The following MARCHF3 variants were observed in gnomAD, a reference collection of about 807,000 sequenced individuals.
MARCHF3 encodes E3 ubiquitin-protein ligase MARCHF3.
In MARCHF3, 13 loss-of-function variants were observed where a neutral mutation model predicts 24.2. The ratio of observed to expected loss-of-function variants is 0.54; its 90% CI spans 0.35 to 0.85. MARCHF3 has a LOEUF of 0.85. MARCHF3 is among the 40% of genes least tolerant of loss of function. The pLI, the probability that MARCHF3 is intolerant of heterozygous loss-of-function variation, is 0.01. For missense variants in MARCHF3, 276 were observed against 325.0 expected (o/e 0.85, Z 1.16); for synonymous variants, 144 against 137.3 (o/e 1.05, Z -0.34).
chr5:126,955,424 A>C (rs1309917142), intron 1 of MARCHF3, among the ~76,000 whole-genome samples: 1 of 152,220 alleles, frequency 6.6e-6, no homozygotes, highest in Non-Finnish European at 1.5e-5. Flanking sequence ...CTTGCTTTCC[A>C]AAGTGGTGTA....
chr5:126,872,996 T>C (rs542454216), intron 4 of MARCHF3, among the ~76,000 whole-genome samples: 2 of 152,228 alleles, frequency 1.3e-5, no homozygotes, highest in East Asian at 1.9e-4. Context: ...ACAATTATTA[T>C]ACTAATAAGG....
At chr5:126,899,837 C>T (rs564432909) in intron 3 of MARCHF3, among the ~76,000 whole-genome samples, 2 of 152,186 alleles carry the variant, frequency 1.3e-5, no homozygotes, top group African/African-American at 4.8e-5. Context: ...CCTGTCTCCC[C>T]CTGTCCCCTA....
chr5:126,949,380 A>G (rs985923569), intron 1 of MARCHF3, among the ~76,000 whole-genome samples: 50 of 152,356 alleles, frequency 3.3e-4, no homozygotes, highest in Non-Finnish European at 1.5e-5. Context: ...GGTTCTGATG[A>G]AACAGAAAAT....
At chr5:126,886,771 C>A (rs925759911) in intron 3 of MARCHF3, among the ~76,000 whole-genome samples, 3 of 152,162 alleles carry the variant, frequency 2.0e-5, no homozygotes, top group African/African-American at 7.2e-5. Context: ...CATTCCAACT[C>A]CCCCACAAAT....
Position 126,904,808 on chromosome 5 carries a change from C to G in MARCHF3, c.393+10122G>C, listed in dbSNP as rs1201143270. 1.1e-4 allele frequency among the ~76,000 whole-genome samples: 16 copies of G among 151,422 alleles called. No homozygotes were observed. The Admixed American group carries it at 1.1e-3, about 10-fold the overall frequency. On this transcript the variant is annotated intron_variant, in intron 3 of 4. Coordinates refer to ENST00000308660, the MANE Select transcript of MARCHF3 (RefSeq NM_178450.5). ...TAGTTTCTTTTGCTGTGCAGAAGCT[C>G]TTTAGTTCAATTAGATCCCATTTGT...
At chr5:126,872,143 G>A (rs1216592843) in intron 4 of MARCHF3, among the ~76,000 whole-genome samples, 2 of 143,240 alleles carry the variant, frequency 1.4e-5, no homozygotes, top group Non-Finnish European at 3.0e-5. Flanking sequence ...GCAATGGCGC[G>A]ATCTCGGCTC....
chr5:126,996,796 A>G (rs1751961205), intron 1 of MARCHF3, among the ~76,000 whole-genome samples: 1 of 152,158 alleles, frequency 6.6e-6, no homozygotes, highest in Admixed American at 6.5e-5. Flanking sequence ...GGGTACAACA[A>G]CGCAAGTAAG....
At chr5:126,920,788 G>A (rs752032740) in intron 1 of MARCHF3, among the ~76,000 whole-genome samples, 4 of 152,114 alleles carry the variant, frequency 2.6e-5, no homozygotes, top group Admixed American at 1.3e-4. Context: ...ACCTAAATCC[G>A]CAATAAAATG....
chr5:126,916,277 C>T (rs1463727049), intron 2 of MARCHF3, among the ~76,000 whole-genome samples: 1 of 152,152 alleles, frequency 6.6e-6, no homozygotes, highest in Non-Finnish European at 1.5e-5. Context: ...TAAAATGTGT[C>T]CTCATGATAT....
intron 1 of MARCHF3, among the ~76,000 whole-genome samples, chr5:127,008,130 A>G (rs575541584): frequency 6.6e-6 from 1 of 152,318 alleles, no homozygotes; most frequent in South Asian, 2.1e-4. Flanking sequence ...AAAAAAATGC[A>G]TTGAAGTTGT....
intron 1 of MARCHF3, among the ~76,000 whole-genome samples, chr5:127,019,341 C>T (rs1396946618): frequency 6.6e-6 from 1 of 152,142 alleles, no homozygotes; most frequent in Non-Finnish European, 1.5e-5. Flanking sequence ...ACCCCATCCC[C>T]CAACATACCT....
In MARCHF3 at chr5:126,994,700, T is replaced by C. The variant is rs144727927; in HGVS notation, c.-57+35650A>G. On this transcript the variant is annotated intron_variant, in intron 1 of 4. Coordinates refer to ENST00000308660, the MANE Select transcript of MARCHF3 (RefSeq NM_178450.5). ...ACAGAACTAACAGGATATATGTATA[T>C]ATGAAAGGGAGTTTATTAAGGAGAA... Among the ~76,000 whole-genome samples, 677 of 152,272 alleles carry C rather than the reference T, an allele frequency of 4.4e-3. 5 individuals are homozygous for C. Among genetic ancestry groups the C allele is most frequent in the African/African-American group, 0.016 (647 of 41,538 alleles).
intron 1 of MARCHF3, among the ~76,000 whole-genome samples, chr5:126,946,774 G>A (rs767528216): frequency 0.02 from 3,066 of 150,544 alleles, 76 homozygotes; most frequent in South Asian, 0.11. Flanking sequence ...GTGTGTGTGT[G>A]TGTGTGTGTG....
intron 1 of MARCHF3, among the ~76,000 whole-genome samples, chr5:126,941,553 C>T (rs1287695377): frequency 1.3e-5 from 2 of 152,104 alleles, no homozygotes; most frequent in African/African-American, 4.8e-5. Flanking sequence ...GTGTCATATG[C>T]GTTAATAGTG....
chr5:126,914,189 T>A (rs1356136075), intron 3 of MARCHF3, among the ~76,000 whole-genome samples: 1 of 151,896 alleles, frequency 6.6e-6, no homozygotes, highest in East Asian at 1.9e-4. Context: ...TTCACAGTGT[T>A]AGCCAGGATG....
intron 4 of MARCHF3, among the ~76,000 whole-genome samples, chr5:126,873,465 G>A (rs1333647913): frequency 2.0e-5 from 3 of 151,688 alleles, no homozygotes; most frequent in Non-Finnish European, 4.4e-5. Flanking sequence ...TTAAGGCTCT[G>A]CTCTCGGCGT....
At chr5:126,936,288 A>C (rs1293608073) in intron 1 of MARCHF3, among the ~76,000 whole-genome samples, 1 of 152,236 alleles carries the variant, frequency 6.6e-6, no homozygotes, top group Non-Finnish European at 1.5e-5. Flanking sequence ...AATGCAAACA[A>C]GGACTTATGC....
intron 3 of MARCHF3, among the ~76,000 whole-genome samples, chr5:126,909,178 CTCAGATCT>C (rs1232788439): frequency 6.6e-6 from 1 of 152,260 alleles, no homozygotes; most frequent in East Asian, 1.9e-4. Flanking sequence ...TCTGCCCGTT[CTCAGATCT>C]CCAGCTGCAT....
At position 126,868,414 on chromosome 5, in the gene MARCHF3, CTG is replaced by C. The variant is rs904817699; in HGVS notation, c.*2217_*2218del. The C allele has an allele frequency of 4.6e-5, 7 of 152,208 alleles. No individual in the cohort carries two copies. The highest frequency in any genetic ancestry group is 1.4e-4 in the African/African-American group (6 of 41,430). 9.4% of individuals were successfully genotyped at this position (152,208 alleles called of 1,614,324 possible). A position where few individuals can be genotyped will look rare whatever the true frequency, so the allele number is the denominator to read the frequency against. On this transcript the variant is annotated 3_prime_UTR_variant, in exon 5 of 5. Coordinates refer to ENST00000308660, the MANE Select transcript of MARCHF3 (RefSeq NM_178450.5). ...CAATCTACTCCTTGCATCTTGGACT[CTG>C]TTTTACTTCACAGGGCAGGGATGCA... is the stretch of plus-strand genomic sequence containing the variant.
Sources: allele counts gnomAD v4.1 joint callset (sites outside exome capture counted in the v4.1 genomes callset), GRCh38; gene constraint gnomAD v4.1.1; transcripts MANE v1.5; gene names NCBI Gene and HGNC (gene_info 2026-07-23, HGNC 2026-07-21).